The following MCTP1 variants were observed in gnomAD, a reference collection of about 807,000 sequenced individuals.
The protein encoded by MCTP1 is multiple C2 and transmembrane domain-containing protein 1.
A neutral mutation model predicts 120.6 loss-of-function variants in MCTP1; 69 were observed. The ratio of observed to expected loss-of-function variants is 0.57; its 90% CI spans 0.47 to 0.70. MCTP1 has a LOEUF of 0.70. Among genes scored for constraint, MCTP1 ranks in the 30% least tolerant of loss-of-function variants. MCTP1 has a pLI of 0.00. For missense variants in MCTP1, 1,203 were observed against 1,248.8 expected, an observed-to-expected ratio of 0.96 and a Z score of 0.55; for synonymous variants, 529 against 493.1, an observed-to-expected ratio of 1.07 and a Z score of -0.96.
At chr5:94,959,533 C>A (rs1167018550) in intron 2 of MCTP1, among the ~76,000 whole-genome samples, 2 of 152,192 alleles carry the variant, frequency 1.3e-5, no homozygotes, top group Non-Finnish European at 2.9e-5. Flanking sequence ...GTTGTCTCAG[C>A]CCAAAACTCC....
chr5:95,122,733 T>A (rs1333693431), intron 1 of MCTP1, among the ~76,000 whole-genome samples: 2 of 152,158 alleles, frequency 1.3e-5, no homozygotes, highest in Non-Finnish European at 2.9e-5. Context: ...ATAGCCAAGA[T>A]TTGGAATCAA....
chr5:95,243,932 C>G (rs1293761841), intron 1 of MCTP1, among the ~76,000 whole-genome samples: 2 of 152,192 alleles, frequency 1.3e-5, no homozygotes, highest in African/African-American at 4.8e-5. Context: ...AGAGAGTATT[C>G]GAAGACGATT....
intron 1 of MCTP1, among the ~76,000 whole-genome samples, chr5:95,142,090 T>G (rs1759977829): frequency 6.6e-6 from 1 of 152,190 alleles, no homozygotes; most frequent in African/African-American, 2.4e-5. Context: ...CAGATGAACT[T>G]GACATAAGAA....
At position 94,990,494 on chromosome 5, in the gene MCTP1, G is replaced by T. The variant is rs77002971; in HGVS notation, c.838+26873C>A. On this transcript the variant is annotated intron_variant, in intron 2 of 22. Coordinates refer to ENST00000515393, the MANE Select transcript of MCTP1 (RefSeq NM_024717.7). ...CTTCTCCATTGGCAATTCACAGCCT[G>T]GATGTTTGCCTCTTCAAGGCCAGCA... is the stretch of plus-strand genomic sequence containing the variant. Among the ~76,000 whole-genome samples, 289 of 152,206 alleles carry T rather than the reference G, an allele frequency of 1.9e-3. 6 individuals are homozygous for T. In the East Asian group the frequency reaches 0.05, roughly 26 times the overall value.
chr5:94,755,506 T>C (rs1549177), intron 19 of MCTP1, among the ~76,000 whole-genome samples: 62,779 of 152,006 alleles, frequency 0.41, 13,353 homozygotes, highest in East Asian at 0.65. Context: ...CTCACCACAC[T>C]AGGGAAACTC....
chr5:95,148,783 G>A (rs1186919280), intron 1 of MCTP1, among the ~76,000 whole-genome samples: 1 of 152,030 alleles, frequency 6.6e-6, no homozygotes, highest in Non-Finnish European at 1.5e-5. Flanking sequence ...TTCCTGTGTT[G>A]ATTCTTTCTC....
Position 94,940,136 on chromosome 5 carries a change from A to G in MCTP1, c.1121T>C (p.Ile374Thr). 6.2e-7 allele frequency: 1 copy of G among 1,610,388 alleles called. No individual in the cohort carries two copies. Among genetic ancestry groups the G allele is most frequent in the Non-Finnish European group, 8.5e-7 (1 of 1,177,526 alleles). The stretch of plus-strand genomic sequence containing the variant: ...GGTAAGGATGACTGAGAGCAAAATG[A>G]TTCCAAGATCATGGTCAGGATAATG... The part of the protein sequence containing the change: ...DPHYPDHDLG[I>T]ILLSVILTPK... Residue 374 changes from isoleucine to threonine, a missense_variant, in exon 5 of 23, where the codon ATC becomes ACC. By Grantham distance (89) the Ile-to-Thr change is moderately conservative (BLOSUM62 -1). Around this residue, in one of 2 missense-constraint regions of MCTP1, gnomAD observed 740 missense variants for 871.1 expected, o/e 0.85. Coordinates refer to ENST00000515393, the MANE Select transcript of MCTP1 (RefSeq NM_024717.7).
intron 19 of MCTP1, among the ~76,000 whole-genome samples, chr5:94,759,924 A>AAT (rs1366527315): frequency 7.2e-5 from 10 of 139,336 alleles, no homozygotes; most frequent in Non-Finnish European, 1.2e-4. Context: ...AAAAAAAAAA[A>AAT]GCAGAGTGAC....
intron 17 of MCTP1, among the ~76,000 whole-genome samples, chr5:94,857,785 T>C (rs991772425): frequency 1.3e-5 from 2 of 151,844 alleles, no homozygotes; most frequent in South Asian, 2.1e-4. Context: ...TATAGCAAAC[T>C]ATACCTCACA....
In MCTP1 at chr5:94,898,763, A is replaced by T. The variant is rs373373450; in HGVS notation, c.1653-3928T>A. On this transcript the variant is annotated intron_variant, in intron 10 of 22. Transcript: ENST00000515393. ...TATGTTCACAGATACATACACAGAG[A>T]AAAGTCCCGGGTTTGGGAGTCAGAT... Among the ~76,000 whole-genome samples the T allele has an allele frequency of 1.4e-4, 22 of 152,336 alleles. No homozygotes were observed. In the South Asian group the frequency reaches 4.6e-3, roughly 32 times the overall value.
chr5:95,255,131 T>C (rs1056669093), intron 1 of MCTP1, among the ~76,000 whole-genome samples: 1 of 152,192 alleles, frequency 6.6e-6, no homozygotes, highest in Non-Finnish European at 1.5e-5. Context: ...CTATTCCAAA[T>C]TGATAAGGGT....
At chr5:95,081,565 C>A in intron 1 of MCTP1, 1 of 1,515,680 alleles carries the variant, frequency 6.6e-7, no homozygotes. Flanking sequence ...TGAATACCGG[C>A]AAAAGAGGCT....
chr5:94,892,160 G>A (rs895335097), intron 11 of MCTP1, among the ~76,000 whole-genome samples: 18 of 152,248 alleles, frequency 1.2e-4, no homozygotes, highest in Middle Eastern at 3.4e-3. Flanking sequence ...TCACCGTGAC[G>A]TCTTATTCCA....
intron 1 of MCTP1, among the ~76,000 whole-genome samples, chr5:95,159,356 C>G (rs1358668031): frequency 6.6e-6 from 1 of 152,220 alleles, no homozygotes; most frequent in African/African-American, 2.4e-5. Context: ...TCCCTAAGCT[C>G]TTTTCATTCA....
At chr5:95,173,417 A>G (rs1747584037) in intron 1 of MCTP1, among the ~76,000 whole-genome samples, 1 of 152,212 alleles carries the variant, frequency 6.6e-6, no homozygotes, top group African/African-American at 2.4e-5. Context: ...AGAATGAAAC[A>G]AAGACAGAAA....
intron 1 of MCTP1, among the ~76,000 whole-genome samples, chr5:95,145,327 T>C (rs1300682174): frequency 1.3e-5 from 2 of 152,150 alleles, no homozygotes; most frequent in African/African-American, 4.8e-5. Flanking sequence ...AGGTATAGAA[T>C]TATATATTCA....
At chr5:94,960,795 G>A (rs1208532647) in intron 2 of MCTP1, among the ~76,000 whole-genome samples, 1 of 152,174 alleles carries the variant, frequency 6.6e-6, no homozygotes, top group Admixed American at 6.5e-5. Context: ...AGGATGTGGA[G>A]AAATAAGAAT....
intron 17 of MCTP1, among the ~76,000 whole-genome samples, chr5:94,839,376 A>G (rs1790509935): frequency 6.6e-6 from 1 of 152,158 alleles, no homozygotes. Context: ...GAGGTCATTA[A>G]GCCAATATGT....
chr5:94,868,719 CAG>C lies in MCTP1; in HGVS notation c.2317-269_2317-268del, dbSNP rs1797283865. On this transcript the variant is annotated intron_variant, in intron 16 of 22. Transcript: ENST00000515393. ...GCTCACAAGAAAAAAAAATTTCTAA[CAG>C]ACTAAAATTTTTTTTTGTTACTTAC... Among the ~76,000 whole-genome samples, 4 of 151,914 alleles carry C rather than the reference CAG, an allele frequency of 2.6e-5. No individual in the cohort carries two copies. In the South Asian group the frequency reaches 6.2e-4, roughly 24 times the overall value.
Sources: allele counts gnomAD v4.1 joint callset (sites outside exome capture counted in the v4.1 genomes callset), GRCh38; gene constraint gnomAD v4.1.1; regional missense constraint gnomAD v4.1.1; transcripts MANE v1.5; gene names NCBI Gene and HGNC (gene_info 2026-07-23, HGNC 2026-07-21).